ECM2: variants seen among roughly 807,000 people sequenced by gnomAD.
The protein encoded by ECM2 is extracellular matrix protein 2.
A neutral mutation model predicts 67.5 loss-of-function variants in ECM2; 57 were observed. The ratio of observed to expected loss-of-function variants is 0.84; its 90% CI spans 0.68 to 1.05. The LOEUF (loss-of-function observed/expected upper bound fraction) is 1.05, where lower values mean the gene tolerates loss of function less well. ECM2 is among the 50% of genes least tolerant of loss of function. ECM2 has a pLI of 0.00. For synonymous variants in ECM2, 258 were observed against 294.5 expected (o/e 0.88, Z 1.27); for missense variants, 741 against 822.8 (o/e 0.90, Z 1.22).
intron 2 of ECM2, among the ~76,000 whole-genome samples, chr9:92,521,052 G>A (rs1848036939): frequency 6.6e-6 from 1 of 152,172 alleles, no homozygotes. Context: ...TACTGTGAAT[G>A]TACTAAATGC....
At chr9:92,553,423 T>G in the ECM2 span, among the ~76,000 whole-genome samples, 29 of 152,322 alleles carry the variant, frequency 1.9e-4, no homozygotes, top group African/African-American at 7.0e-4. Flanking sequence ...TTTAGAATTG[T>G]TTTTTCTAAT....
At chr9:92,499,171 T>C (rs768772047) in intron 9 of ECM2, among the ~76,000 whole-genome samples, 5 of 152,170 alleles carry the variant, frequency 3.3e-5, no homozygotes, top group Non-Finnish European at 7.3e-5. Context: ...ATGACTGCAA[T>C]TGATTGAAAC....
At chr9:92,551,970 T>TATATATATGTGTG in the ECM2 span, among the ~76,000 whole-genome samples, 1 of 61,520 alleles carries the variant, frequency 1.6e-5, no homozygotes, top group South Asian at 2.9e-4. Context: ...ATATGTGTGA[T>TATATATATGTGTG]ATATATGTGT....
At chr9:92,547,353 A>G in the ECM2 span, among the ~76,000 whole-genome samples, 1 of 152,246 alleles carries the variant, frequency 6.6e-6, no homozygotes, top group African/African-American at 2.4e-5. Context: ...CTTGAGGACA[A>G]TTGTTCATTG....
chr9:92,535,964 G>T lies in ECM2; in HGVS notation c.-59C>A, dbSNP rs1158179801. Reference sequence around the variant, plus strand: ...ATCTAAACTAAGTAGGCTTTGCTTGGTGTCATTTAAGTCTCCAGCTGAAAA... The same window carrying T: ...ATCTAAACTAAGTAGGCTTTGCTTGTTGTCATTTAAGTCTCCAGCTGAAAA... On this transcript the variant is annotated 5_prime_UTR_variant, in exon 1 of 10. Transcript: ENST00000344604. The T allele has an allele frequency of 1.8e-5, 9 of 508,488 alleles. No homozygotes were observed. The highest frequency in any genetic ancestry group is 3.5e-5 in the Non-Finnish European group (9 of 257,576). The allele number at this position is 508,488 out of a possible 1,614,324, so 31.5% of individuals were successfully genotyped here. A position where few individuals can be genotyped will look rare whatever the true frequency, so the allele number is the denominator to read the frequency against.
At chr9:92,523,024 G>T in intron 1 of ECM2, 131 bp from the exon 2 acceptor site, 1 of 859,674 alleles carries the variant, frequency 1.2e-6, no homozygotes, top group South Asian at 2.0e-5. Flanking sequence ...TGGACTATAT[G>T]CTATAGTATT....
chr9:92,536,869 AT>A (rs11459753), upstream of ECM2, among the ~76,000 whole-genome samples: 1,013 of 141,490 alleles, frequency 7.2e-3, 8 homozygotes, highest in African/African-American at 0.017. Context: ...TATTTTTTAA[AT>A]TTTTTTTTTT....
chr9:92,532,281 A>G (rs1471630801), intron 1 of ECM2, among the ~76,000 whole-genome samples: 1 of 151,332 alleles, frequency 6.6e-6, no homozygotes, highest in Non-Finnish European at 1.5e-5. Context: ...AGATGTTCTC[A>G]TTGTCTTTGG....
the ECM2 span, among the ~76,000 whole-genome samples, chr9:92,545,083 G>GGCAGCCCTC: frequency 7.2e-5 from 11 of 152,308 alleles, no homozygotes; most frequent in South Asian, 1.9e-3. Context: ...ACAGCCTGCT[G>GGCAGCCCTC]GCAGCCCTCG....
chr9:92,522,743 A>C lies in ECM2; in HGVS notation c.124T>G (p.Ser42Ala). The C allele has an allele frequency of 6.2e-7, 1 of 1,614,178 alleles. No individual in the cohort carries two copies. The change falls in exon 2 of 10, where the codon TCA (serine) becomes GCA (alanine). Residue 42 changes from serine to alanine, a missense_variant. By Grantham distance (99) the Ser-to-Ala change is moderately conservative. Coordinates refer to ENST00000344604, the MANE Select transcript of ECM2 (RefSeq NM_001393.4). ...KIYHRRLRKS[S>A]TSHKHRSNRQ... The stretch of plus-strand genomic sequence containing the variant: ...TTTGATCTGTGCTTGTGTGAGGTTG[A>C]ACTTTTCCTCAACCTTCTGTGGTAG...
chr9:92,552,977 C>CT, the ECM2 span, among the ~76,000 whole-genome samples: 119 of 148,152 alleles, frequency 8.0e-4, no homozygotes, highest in African/African-American at 2.9e-3. Context: ...TATTATTTTT[C>CT]TTTTTTTTAA....
At chr9:92,553,404 C>T in the ECM2 span, among the ~76,000 whole-genome samples, 73 of 152,178 alleles carry the variant, frequency 4.8e-4, no homozygotes, top group South Asian at 7.1e-3. Context: ...TTTTTGGTTA[C>T]ATATGAATTT....
chr9:92,533,022 G>C (rs939266681), intron 1 of ECM2, among the ~76,000 whole-genome samples: 4 of 152,006 alleles, frequency 2.6e-5, no homozygotes, highest in African/African-American at 9.6e-5. Flanking sequence ...CTTTGGGCTG[G>C]GTGCGGTGGC....
chr9:92,499,937 A>G (rs923380087), intron 9 of ECM2, among the ~76,000 whole-genome samples: 9 of 152,358 alleles, frequency 5.9e-5, no homozygotes, highest in Non-Finnish European at 8.8e-5. Context: ...TCAGTATATA[A>G]GCTGAACACA....
At chr9:92,526,287 T>C (rs1185616433) in intron 1 of ECM2, among the ~76,000 whole-genome samples, 2 of 152,306 alleles carry the variant, frequency 1.3e-5, no homozygotes, top group South Asian at 2.1e-4. Context: ...AAAATTACGC[T>C]ATAAAGAAAG....
chr9:92,499,094 G>A (rs1846524381), intron 9 of ECM2, among the ~76,000 whole-genome samples: 1 of 152,172 alleles, frequency 6.6e-6, no homozygotes, highest in African/African-American at 2.4e-5. Flanking sequence ...GTAAGCCTGA[G>A]GCCCACGTGT....
Position 92,522,732 on chromosome 9 carries a change from G to T in ECM2, c.135C>A (p.His45Gln). Reference sequence around the variant, plus strand: ...CAAGCTGTCTGTTTGATCTGTGCTTGTGTGAGGTTGAACTTTTCCTCAACC... The same window carrying T: ...CAAGCTGTCTGTTTGATCTGTGCTTTTGTGAGGTTGAACTTTTCCTCAACC... Reference protein sequence around the residue: ...HRRLRKSSTSHKHRSNRQLGI... With the variant: ...HRRLRKSSTSQKHRSNRQLGI... Residue 45 changes from histidine to glutamine, a missense_variant, in exon 2 of 10, where the codon CAC becomes CAA. Coordinates refer to ENST00000344604, the MANE Select transcript of ECM2 (RefSeq NM_001393.4). The T allele has an allele frequency of 6.2e-7, 1 of 1,614,156 alleles. No homozygotes were observed. Among genetic ancestry groups the T allele is most frequent in the Non-Finnish European group, 8.5e-7 (1 of 1,180,010 alleles).
At chr9:92,520,639 G>A (rs1848007206) in intron 2 of ECM2, among the ~76,000 whole-genome samples, 1 of 152,094 alleles carries the variant, frequency 6.6e-6, no homozygotes, top group East Asian at 1.9e-4. Context: ...AATAGGTGTT[G>A]AAAGAAAACT....
At position 92,495,794 on chromosome 9, in the gene ECM2, C is replaced by A. The variant is rs150099514; in HGVS notation, c.*521G>T. 2.1e-6 allele frequency: 2 copies of A among 949,960 alleles called. No homozygotes were observed. The highest frequency in any genetic ancestry group is 2.3e-4 in the East Asian group (2 of 8,658). The allele number at this position is 949,960 out of a possible 1,614,324, so 58.8% of individuals were successfully genotyped here. A position where few individuals can be genotyped will look rare whatever the true frequency, so the allele number is the denominator to read the frequency against. ...TAATTAATGGAAGAAATGAAAGCTA[C>A]CCCAATATTCAGTTATATTTATACC... On this transcript the variant is annotated 3_prime_UTR_variant, in exon 10 of 10. Coordinates refer to ENST00000344604, the MANE Select transcript of ECM2 (RefSeq NM_001393.4).
Sources: allele counts gnomAD v4.1 joint callset (sites outside exome capture counted in the v4.1 genomes callset), GRCh38; gene constraint gnomAD v4.1.1; transcripts MANE v1.5; gene names NCBI Gene and HGNC (gene_info 2026-07-23, HGNC 2026-07-21).